The following CECR2 variants were observed in gnomAD, a reference collection of about 807,000 sequenced individuals.
The protein encoded by CECR2 is CECR2 histone acetyl-lysine reader.
Under a neutral mutation model 154.5 loss-of-function variants are expected in CECR2, and 30 were observed. The ratio of observed to expected loss-of-function variants is 0.19; its 90% CI spans 0.15 to 0.26. The LOEUF (loss-of-function observed/expected upper bound fraction) is 0.26. Among genes scored for constraint, CECR2 ranks in the 10% least tolerant of loss-of-function variants. The probability of loss-of-function intolerance (pLI) is 1.00; values close to 1 mark genes in which losing one functional copy is unlikely to be tolerated. For missense variants in CECR2, 1,743 were observed against 1,829.3 expected, an observed-to-expected ratio of 0.95 and a Z score of 0.86; for synonymous variants, 725 against 683.7, an observed-to-expected ratio of 1.06 and a Z score of -0.94.
chr22:17,486,318 T>G (rs1601439440), intron 2 of CECR2, among the ~76,000 whole-genome samples: 1 of 152,356 alleles, frequency 6.6e-6, no homozygotes, highest in South Asian at 2.1e-4. Context: ...AATGATTTTT[T>G]CAGGAATTTG....
chr22:17,453,815 A>G (rs550272056), intron 1 of CECR2, among the ~76,000 whole-genome samples: 1 of 152,370 alleles, frequency 6.6e-6, no homozygotes, highest in South Asian at 2.1e-4. Flanking sequence ...TCATGGCAGA[A>G]CTGCTGACGA....
rs1555935212 is a variant in CECR2, at chr22:17,549,790, T to TG, written c.4277+226_4277+227insG. On this transcript the variant is annotated intron_variant, in intron 17 of 18. Coordinates refer to ENST00000262608, the MANE Select transcript of CECR2 (RefSeq NM_001290047.2). ...ACACCCAGCTAACTTTTTGGTTTTT[T>TG]TTTTTTTTTTTTTTTGGTGGAGGTA... Among the ~76,000 whole-genome samples, 101 of 144,668 alleles carry TG rather than the reference T, an allele frequency of 7.0e-4. 1 individual carries two copies. The highest frequency in any genetic ancestry group is 2.4e-3 in the African/African-American group (94 of 38,424). The allele number at this position is 144,668 out of a possible 152,430, so 94.9% of individuals were successfully genotyped here. A position where few individuals can be genotyped will look rare whatever the true frequency, so the allele number is the denominator to read the frequency against.
chr22:17,541,306 T>G (rs907580694), intron 14 of CECR2, among the ~76,000 whole-genome samples: 3 of 152,144 alleles, frequency 2.0e-5, no homozygotes, highest in African/African-American at 7.2e-5. Context: ...ATACAAAAAT[T>G]AGTCAGGTGT....
rs766712311 is a variant in CECR2 at position 17,548,879 on chromosome 22, C to G, written c.3592C>G (p.Gln1198Glu). The change falls in exon 17 of 19, where the codon CAG (glutamine) becomes GAG (glutamate). Residue 1198 changes from glutamine (Q) to glutamate (E), a missense_variant. Gln to Glu is a conservative substitution (Grantham distance 29). Transcript: ENST00000262608. ...PPPQPSYHHY[Q>E]RTPYYACPQS... ...GCCACAGCCTTCCTACCACCACTAT[C>G]AGCGAACTCCTTACTATGCCTGTCC... 3.1e-6 allele frequency: 5 copies of G among 1,613,194 alleles called. No homozygotes were observed. The highest frequency in any genetic ancestry group is 4.2e-6 in the Non-Finnish European group (5 of 1,179,340).
intron 1 of CECR2, among the ~76,000 whole-genome samples, chr22:17,469,600 T>G (rs564606552): frequency 5.8e-5 from 8 of 138,662 alleles, no homozygotes; most frequent in Non-Finnish European, 1.2e-4. Flanking sequence ...ATTGTTTTTT[T>G]TTTTTTTTTC....
At chr22:17,383,972 C>G (rs1314564736) in intron 1 of CECR2, among the ~76,000 whole-genome samples, 1 of 151,952 alleles carries the variant, frequency 6.6e-6, no homozygotes, top group Non-Finnish European at 1.5e-5. Flanking sequence ...TGTGCCTGGC[C>G]CAGGTCCACT....
intron 9 of CECR2, among the ~76,000 whole-genome samples, chr22:17,526,684 C>T (rs1253507623): frequency 3.3e-5 from 5 of 151,686 alleles, no homozygotes; most frequent in African/African-American, 4.8e-5. Context: ...TGGCAGGCAC[C>T]GGTAATCCCA....
At chr22:17,363,022 C>A (rs2062984780) in intron 1 of CECR2, among the ~76,000 whole-genome samples, 1 of 150,626 alleles carries the variant, frequency 6.6e-6, no homozygotes, top group African/African-American at 2.4e-5. Context: ...TCCTTTGCAT[C>A]CCACTATTTT....
chr22:17,510,185 T>G (rs527794305), intron 7 of CECR2, among the ~76,000 whole-genome samples: 1 of 152,370 alleles, frequency 6.6e-6, no homozygotes, highest in South Asian at 2.1e-4. Flanking sequence ...CATTCGTAGC[T>G]TTTATCTGAT....
intron 1 of CECR2, among the ~76,000 whole-genome samples, chr22:17,460,736 G>A (rs1247634161): frequency 1.3e-5 from 2 of 151,994 alleles, no homozygotes; most frequent in African/African-American, 4.8e-5. Flanking sequence ...CCCAGTCGTT[G>A]AATCACATTA....
intron 16 of CECR2, among the ~76,000 whole-genome samples, chr22:17,545,431 A>C (rs962857852): frequency 6.6e-6 from 1 of 151,384 alleles, no homozygotes; most frequent in African/African-American, 2.4e-5. Flanking sequence ...ACATTAAACT[A>C]GGGGAGAAAA....
intron 8 of CECR2, among the ~76,000 whole-genome samples, chr22:17,519,612 G>T (rs1309096324): frequency 1.3e-5 from 2 of 152,068 alleles, no homozygotes; most frequent in Non-Finnish European, 1.5e-5. Context: ...CCATTTGTTT[G>T]AGGGGAGCAC....
rs116937365 is a variant in CECR2 at position 17,402,447 on chromosome 22, T to C, written c.126+32538T>C. On this transcript the variant is annotated intron_variant, in intron 1 of 18. Transcript: ENST00000262608. ...AATATTTTACACCAAATGGTCTTTC[T>C]TAAGACTACTGTGCTGATGTAGGGC... Among the ~76,000 whole-genome samples the C allele has an allele frequency of 8.5e-4, 129 of 152,360 alleles. 1 individual carries two copies. Among genetic ancestry groups the C allele is most frequent in the Non-Finnish European group, 1.5e-3 (100 of 68,038 alleles).
chr22:17,547,098 A>G (rs2056626564), intron 16 of CECR2, among the ~76,000 whole-genome samples: 1 of 151,446 alleles, frequency 6.6e-6, no homozygotes, highest in African/African-American at 2.4e-5. Flanking sequence ...CTTACACACT[A>G]TTGTATATTG....
At chr22:17,511,721 C>T in intron 7 of CECR2, 92 bp from the exon 8 acceptor site, 1 of 1,165,232 alleles carries the variant, frequency 8.6e-7, no homozygotes, top group Non-Finnish European at 1.2e-6. Context: ...TCATTGGCCA[C>T]TTTTTTACTG....
chr22:17,496,525 T>C (rs1049519875), intron 2 of CECR2, among the ~76,000 whole-genome samples: 1 of 150,710 alleles, frequency 6.6e-6, no homozygotes, highest in Non-Finnish European at 1.5e-5. Flanking sequence ...GAAAGAAAAA[T>C]CAAAGAAAAA....
At chr22:17,434,022 C>CT (rs1490963561) in intron 1 of CECR2, among the ~76,000 whole-genome samples, 2 of 152,160 alleles carry the variant, frequency 1.3e-5, no homozygotes, top group African/African-American at 2.4e-5. Context: ...TAGAATATAA[C>CT]TAAGGTCACT....
At chr22:17,406,107 T>A (rs1420648451) in intron 1 of CECR2, among the ~76,000 whole-genome samples, 1 of 152,238 alleles carries the variant, frequency 6.6e-6, no homozygotes, top group Non-Finnish European at 1.5e-5. Context: ...TGATATCTAA[T>A]TTAACCCACT....
chr22:17,448,468 T>G (rs1031055068), intron 1 of CECR2, among the ~76,000 whole-genome samples: 1 of 152,224 alleles, frequency 6.6e-6, no homozygotes, highest in Non-Finnish European at 1.5e-5. Flanking sequence ...CCTCCATTTG[T>G]TATGTGACCT....
Sources: allele counts gnomAD v4.1 joint callset (sites outside exome capture counted in the v4.1 genomes callset), GRCh38; gene constraint gnomAD v4.1.1; transcripts MANE v1.5; gene names NCBI Gene and HGNC (gene_info 2026-07-23, HGNC 2026-07-21).